The following AKT2 variants were observed in gnomAD, a reference collection of about 807,000 sequenced individuals.
The protein encoded by AKT2 is AKT serine/threonine kinase 2.
A neutral mutation model predicts 58.6 loss-of-function variants in AKT2; 16 were observed. The ratio of observed to expected loss-of-function variants is 0.27; its 90% CI spans 0.18 to 0.41. AKT2 has a LOEUF of 0.41. Ranked by LOEUF, AKT2 falls within the 10% of genes least tolerant of loss-of-function variation. The probability of loss-of-function intolerance (pLI) is 1.00; values close to 1 mark genes in which losing one functional copy is unlikely to be tolerated. For synonymous variants in AKT2, 253 were observed against 254.0 expected, an observed-to-expected ratio of 1.00 and a Z score of 0.04; for missense variants, 438 against 661.0, an observed-to-expected ratio of 0.66 and a Z score of 3.70.
At chr19:40,236,950 CT>C (rs1470241936) in intron 9 of AKT2, 13 of 181,598 alleles carry the variant, frequency 7.2e-5, no homozygotes, top group African/African-American at 3.1e-4. Flanking sequence ...GCATCTCCCC[CT>C]GGAAGGCCCT....
In AKT2 at chr19:40,241,983, G is replaced by A. The variant is rs2145202899; in HGVS notation, c.528C>T (p.Arg176=). Residue 176 remains arginine, a synonymous_variant, in exon 6 of 14, where the codon CGC becomes CGT. Transcript: ENST00000392038. ...VILVREKATG[R]YYAMKILRKE... is the part of the protein sequence containing the mutation. ...TCCGCAGGATCTTCATGGCGTAGTA[G>A]CGGCCAGTGGCCTTCTCCCGCACCA... is the stretch of plus-strand genomic sequence containing the variant. 1 of 1,614,240 alleles carries A rather than the reference G, an allele frequency of 6.2e-7. No homozygotes were observed. Among genetic ancestry groups the A allele is most frequent in the Non-Finnish European group, 8.5e-7 (1 of 1,180,046 alleles).
chr19:40,268,087 T>C (rs1976492491), intron 1 of AKT2, among the ~76,000 whole-genome samples: 1 of 152,118 alleles, frequency 6.6e-6, no homozygotes, highest in African/African-American at 2.4e-5. Context: ...TGGCTGGGAC[T>C]GAGAGAAGCC....
At chr19:40,276,345 C>CTTTTTT (rs748551877) in intron 1 of AKT2, among the ~76,000 whole-genome samples, 1 of 58,508 alleles carries the variant, frequency 1.7e-5, no homozygotes, top group Non-Finnish European at 3.3e-5. Flanking sequence ...AAAATGGAAT[C>CTTTTTT]TTTTTTTTTT....
intron 1 of AKT2, among the ~76,000 whole-genome samples, chr19:40,284,245 A>C (rs7249476): frequency 6.6e-6 from 1 of 152,126 alleles, no homozygotes. Flanking sequence ...CCTTCCTCCC[A>C]AGTTTTAACA....
intron 4 of AKT2, among the ~76,000 whole-genome samples, chr19:40,252,017 G>A (rs950836728): frequency 1.3e-5 from 2 of 152,176 alleles, no homozygotes; most frequent in Admixed American, 6.5e-5. Flanking sequence ...GTGAAGTGGG[G>A]GACAGGGAGG....
intron 4 of AKT2, among the ~76,000 whole-genome samples, chr19:40,246,326 A>G (rs1406171079): frequency 6.6e-6 from 1 of 152,092 alleles, no homozygotes; most frequent in East Asian, 1.9e-4. Context: ...GGGTTTCACC[A>G]TGTTGGCCAG....
intron 2 of AKT2, among the ~76,000 whole-genome samples, chr19:40,259,421 A>G (rs1884710823): frequency 6.6e-6 from 1 of 152,186 alleles, no homozygotes; most frequent in Non-Finnish European, 1.5e-5. Context: ...CACACTGTAA[A>G]CCATATACAA....
chr19:40,239,979 G>A (rs1449313944), intron 7 of AKT2, 66 bp downstream of exon 7: 1 of 1,554,234 alleles, frequency 6.4e-7, no homozygotes, highest in Admixed American at 1.7e-5. Context: ...AGAAGATTAG[G>A]GCTCTCTCTC....
At chr19:40,256,072 G>A (rs1322601953) in intron 3 of AKT2, among the ~76,000 whole-genome samples, 5 of 152,154 alleles carry the variant, frequency 3.3e-5, no homozygotes, top group Admixed American at 3.3e-4. Context: ...AGGTCAGGTT[G>A]GGATGTGGCA....
intron 4 of AKT2, among the ~76,000 whole-genome samples, chr19:40,244,956 C>T (rs1974655912): frequency 6.6e-6 from 1 of 152,260 alleles, no homozygotes; most frequent in Admixed American, 6.5e-5. Context: ...TCCCACAACG[C>T]ACCCTCTTCC....
chr19:40,241,853 C>T (rs1974425885), intron 6 of AKT2, 85 bp downstream of exon 6: 21 of 1,586,292 alleles, frequency 1.3e-5, no homozygotes, highest in African/African-American at 6.7e-5. Flanking sequence ...CAGCAGAAAG[C>T]GCGGGTAAGC....
intron 1 of AKT2, among the ~76,000 whole-genome samples, chr19:40,283,633 G>A (rs1376671886): frequency 6.6e-6 from 1 of 152,184 alleles, no homozygotes; most frequent in Non-Finnish European, 1.5e-5. Context: ...GGCAAGCCAA[G>A]GTCATGATCT....
rs376305288 is a variant in AKT2, at chr19:40,236,402, C to T, written c.832-17G>A. On this transcript the variant is annotated splice_polypyrimidine_tract_variant and intron_variant, in intron 9 of 13. Transcript: ENST00000392038. Reference sequence around the variant, plus strand: ...GTTTTCCAGCTGTTGGAAAAGTCAACGGATCTCAGGTGCATGCTCCCAAGG... The same window carrying T: ...GTTTTCCAGCTGTTGGAAAAGTCAATGGATCTCAGGTGCATGCTCCCAAGG... The T allele has an allele frequency of 5.1e-5, 82 of 1,613,924 alleles. No individual in the cohort carries two copies. Among genetic ancestry groups the T allele is most frequent in the Non-Finnish European group, 6.5e-5 (77 of 1,180,022 alleles).
At chr19:40,279,818 CT>C (rs2077392446) in intron 1 of AKT2, among the ~76,000 whole-genome samples, 1 of 152,118 alleles carries the variant, frequency 6.6e-6, no homozygotes, top group Non-Finnish European at 1.5e-5. Context: ...GGTTGGGGGA[CT>C]CAGCACAAGC....
chr19:40,273,335 C>T (rs572850048), intron 1 of AKT2, among the ~76,000 whole-genome samples: 16 of 138,174 alleles, frequency 1.2e-4, no homozygotes, highest in African/African-American at 4.2e-4. Context: ...AGCAAGACTC[C>T]ATCTCAAAAA....
intron 2 of AKT2, among the ~76,000 whole-genome samples, chr19:40,258,689 T>C (rs922264014): frequency 6.9e-6 from 1 of 145,528 alleles, no homozygotes; most frequent in South Asian, 2.2e-4. Context: ...TACAAAAGCC[T>C]CCAAAAAAAT....
rs552908882 is a variant in AKT2 at position 40,272,091 on chromosome 19, T to C, written c.-84-6740A>G. On this transcript the variant is annotated intron_variant, in intron 1 of 13. Transcript: ENST00000392038. ...TGCTTCGCACATACCAATATAACCC[T>C]CACAGCAACACTTTGAGGCAGACAC... is the stretch of plus-strand genomic sequence containing the variant. Among the ~76,000 whole-genome samples, 49 of 152,162 alleles carry C rather than the reference T, an allele frequency of 3.2e-4. 2 individuals carry two copies. The highest frequency in any genetic ancestry group is 7.3e-5 in the Non-Finnish European group (5 of 68,034).
intron 1 of AKT2, among the ~76,000 whole-genome samples, chr19:40,280,067 C>T (rs2077396782): frequency 6.6e-6 from 1 of 152,216 alleles, no homozygotes; most frequent in African/African-American, 2.4e-5. Flanking sequence ...ATATCAACCA[C>T]ACCTGAGCCC....
chr19:40,275,790 C>T (rs1415381256), intron 1 of AKT2, among the ~76,000 whole-genome samples: 2 of 53,740 alleles, frequency 3.7e-5, no homozygotes, highest in East Asian at 6.4e-4. Context: ...GGGCGGGGGG[C>T]GATCACAAGG....
Sources: allele counts gnomAD v4.1 joint callset (sites outside exome capture counted in the v4.1 genomes callset), GRCh38; gene constraint gnomAD v4.1.1; transcripts MANE v1.5; gene names NCBI Gene and HGNC (gene_info 2026-07-23, HGNC 2026-07-21).